The following SPNS3 variants were observed in gnomAD, a reference collection of about 807,000 sequenced individuals.
SPNS3 encodes the protein protein spinster homolog 3.
A neutral mutation model predicts 54.4 loss-of-function variants in SPNS3; 51 were observed. That is an observed-to-expected ratio of 0.94 (90% CI 0.75 to 1.18). The LOEUF (loss-of-function observed/expected upper bound fraction) is 1.18. SPNS3 is among the 50% of genes most tolerant of loss of function. The pLI is 0.00. For missense variants in SPNS3, 669 were observed against 677.4 expected, an observed-to-expected ratio of 0.99 and a Z score of 0.14; for synonymous variants, 309 against 294.7, an observed-to-expected ratio of 1.05 and a Z score of -0.50.
chr17:4,486,464 G>T lies in SPNS3; in HGVS notation c.1331G>T (p.Arg444Leu), dbSNP rs61734113. ...CCTGACTCCTATCTGCAGCGCTTCC[G>T]CAGCCTGCAGCAGAGCTTCCTGTGC... ...RRPDSYLQRF[R>L]SLQQSFLCCA... The change falls in exon 11 of 12, where the codon CGC becomes CTC. Residue 444 changes from arginine (R) to leucine (L), a missense_variant. Transcript: ENST00000355530. This position sits in a 1 kb window ranked among gnomAD's most constrained non-coding sequence, Gnocchi z 5.5. 6.2e-7 allele frequency: 1 copy of T among 1,612,942 alleles called. No homozygotes were observed. The highest frequency in any genetic ancestry group is 8.5e-7 in the Non-Finnish European group (1 of 1,179,596).
At chr17:4,455,196 G>C (rs1441042890) in intron 8 of SPNS3, among the ~76,000 whole-genome samples, 1 of 152,202 alleles carries the variant, frequency 6.6e-6, no homozygotes, top group East Asian at 1.9e-4. Context: ...TTACAGGTGT[G>C]AGCCATCACG....
chr17:4,440,841 G>A (rs553492560), intron 2 of SPNS3, among the ~76,000 whole-genome samples: 1 of 152,278 alleles, frequency 6.6e-6, no homozygotes, highest in South Asian at 2.1e-4. Context: ...AAGGAGCCAA[G>A]CCTTATCTAG....
intron 2 of SPNS3, among the ~76,000 whole-genome samples, chr17:4,440,474 A>T (rs1970821591): frequency 6.6e-6 from 1 of 152,202 alleles, no homozygotes. Flanking sequence ...CTGGGGATAC[A>T]CAGTCACTTT....
Sources: allele counts gnomAD v4.1 joint callset (sites outside exome capture counted in the v4.1 genomes callset), GRCh38; gene constraint gnomAD v4.1.1; non-coding constraint Gnocchi (gnomAD v3.1); transcripts MANE v1.5; gene names NCBI Gene and HGNC (gene_info 2026-07-23, HGNC 2026-07-21).